The following AGAP1 variants were observed in gnomAD, a reference collection of about 807,000 sequenced individuals.
AGAP1 encodes the protein ArfGAP with GTPase domain, ankyrin repeat and PH domain 1, also known as arf-GAP with GTPase, ANK repeat and PH domain-containing protein 1.
AGAP1 carries 29 observed loss-of-function variants against 105.3 expected under a neutral mutation model. The observed-to-expected ratio is 0.28, with a 90% CI of 0.21 to 0.38. AGAP1 has a LOEUF of 0.38. AGAP1 is among the 10% of genes least tolerant of loss of function. The pLI is 1.00. For synonymous variants in AGAP1, 509 were observed against 485.9 expected, an observed-to-expected ratio of 1.05 and a Z score of -0.63; for missense variants, 998 against 1,165.1, an observed-to-expected ratio of 0.86 and a Z score of 2.09.
rs1052680155 is a variant in AGAP1 at position 236,003,233 on chromosome 2, C to T, written c.1646-33328C>T. ...CTAATTTTTGTATTTTTAGTAGAGA[C>T]GGGGTTTTGCCATGTTGCCCAGGCT... On this transcript the variant is annotated intron_variant, in intron 13 of 17. Transcript: ENST00000304032. This position sits in a 1 kb window ranked among gnomAD's most constrained non-coding sequence, Gnocchi z 4.2. Among the ~76,000 whole-genome samples, 2 of 152,088 alleles carry T rather than the reference C, an allele frequency of 1.3e-5. No homozygotes were observed. Among genetic ancestry groups the T allele is most frequent in the Admixed American group, 6.5e-5 (1 of 15,270 alleles).
Position 235,961,583 on chromosome 2 carries a change from G to A in AGAP1, c.1484-6879G>A, listed in dbSNP as rs771527500. On this transcript the variant is annotated intron_variant, in intron 12 of 17. Coordinates refer to ENST00000304032, the MANE Select transcript of AGAP1 (RefSeq NM_001037131.3). This position sits in a 1 kb window ranked among gnomAD's most constrained non-coding sequence, Gnocchi z 5.9. ...GCAGGAGTCAAATGTCCAGGGTGGA[G>A]GTGTGCGGCCAAGGGAGAGTTGTGT... 1.1e-4 allele frequency among the ~76,000 whole-genome samples: 17 copies of A among 152,210 alleles called. No individual in the cohort carries two copies. The highest frequency in any genetic ancestry group is 1.9e-4 in the East Asian group (1 of 5,190).
At position 235,621,489 on chromosome 2, in the gene AGAP1, C is replaced by T. The variant is rs775406985; in HGVS notation, c.164-87690C>T. ...CCATTGGCGTTGGCACCATTCTTAC[C>T]TCCTATACCTACGAGGCTGTCATGT... On this transcript the variant is annotated intron_variant, in intron 1 of 17. Coordinates refer to ENST00000304032, the MANE Select transcript of AGAP1 (RefSeq NM_001037131.3). This position sits in a 1 kb window ranked among gnomAD's most constrained non-coding sequence, Gnocchi z 4.1. 5.9e-5 allele frequency among the ~76,000 whole-genome samples: 9 copies of T among 152,194 alleles called. No homozygotes were observed. Among genetic ancestry groups the T allele is most frequent in the Admixed American group, 2.6e-4 (4 of 15,280 alleles).
intron 17 of AGAP1, among the ~76,000 whole-genome samples, chr2:236,122,593 C>G (rs908944897): frequency 6.6e-6 from 1 of 152,038 alleles, no homozygotes; most frequent in African/African-American, 2.4e-5. Flanking sequence ...TTTCCCCCTT[C>G]TGATCATCAC....
At chr2:236,091,909 AT>A (rs1462207469) in intron 16 of AGAP1, among the ~76,000 whole-genome samples, 1 of 152,260 alleles carries the variant, frequency 6.6e-6, no homozygotes, top group Non-Finnish European at 1.5e-5. Flanking sequence ...GCTGTAGACC[AT>A]CCACACTGTG....
chr2:235,543,318 C>T (rs1474994664), intron 1 of AGAP1, among the ~76,000 whole-genome samples: 2 of 152,180 alleles, frequency 1.3e-5, no homozygotes, highest in East Asian at 1.9e-4. Flanking sequence ...TCGGAAGGTA[C>T]CCGTTGTTCA....
At chr2:236,007,408 A>G (rs1576039360) in intron 13 of AGAP1, among the ~76,000 whole-genome samples, 1 of 152,202 alleles carries the variant, frequency 6.6e-6, no homozygotes, top group East Asian at 1.9e-4. Flanking sequence ...AACTACAAAG[A>G]TGGCAGATCA....
chr2:236,008,889 G>T (rs1222840445), intron 13 of AGAP1, among the ~76,000 whole-genome samples: 1 of 150,700 alleles, frequency 6.6e-6, no homozygotes, highest in Admixed American at 6.6e-5. Context: ...GTTTTACTTA[G>T]TTAGGTGTTT....
At position 235,692,088 on chromosome 2, in the gene AGAP1, C is replaced by A. The variant is rs901499157; in HGVS notation, c.164-17091C>A. On this transcript the variant is annotated intron_variant, in intron 1 of 17. Transcript: ENST00000304032. The surrounding 1 kb of genome is among the most constrained non-coding windows in gnomAD (Gnocchi z 5.8). ...CCAAGTAAACAAAATAAATTCAGAC[C>A]CCAAGTGCGCATATTGAGTTTGAAT... Among the ~76,000 whole-genome samples, 1 of 152,024 alleles carries A rather than the reference C, an allele frequency of 6.6e-6. No homozygotes were observed. Among genetic ancestry groups the A allele is most frequent in the Non-Finnish European group, 1.5e-5 (1 of 68,004 alleles).
intron 2 of AGAP1, among the ~76,000 whole-genome samples, chr2:235,710,949 G>A (rs192484146): frequency 6.6e-5 from 10 of 152,306 alleles, no homozygotes; most frequent in African/African-American, 2.4e-4. Context: ...CCCATGGGGA[G>A]GGATAGGTAC....
At chr2:235,502,700 C>CTTTTTT (rs5839594) in intron 1 of AGAP1, among the ~76,000 whole-genome samples, 3 of 110,994 alleles carry the variant, frequency 2.7e-5, no homozygotes, top group Non-Finnish European at 3.6e-5. Flanking sequence ...TTTTATTTGC[C>CTTTTTT]TTTTTTTTTT....
chr2:235,869,606 TAAA>T (rs1365941664), intron 9 of AGAP1, among the ~76,000 whole-genome samples: 1 of 151,896 alleles, frequency 6.6e-6, no homozygotes, highest in Non-Finnish European at 1.5e-5. Flanking sequence ...GTCTCAAAAA[TAAA>T]AAATAAAAGT....
chr2:235,512,968 G>A (rs746554), intron 1 of AGAP1, among the ~76,000 whole-genome samples: 1 of 152,194 alleles, frequency 6.6e-6, no homozygotes, highest in Non-Finnish European at 1.5e-5. Flanking sequence ...GATTCCTCTG[G>A]CAGCATCTGT....
intron 1 of AGAP1, 120 bp downstream of exon 1, chr2:235,494,969 C>T (rs959007866): frequency 3.1e-6 from 3 of 960,992 alleles, no homozygotes; most frequent in Middle Eastern, 3.5e-4. Flanking sequence ...GCTGCTCCGC[C>T]GAGGGAGCAC....
At chr2:235,974,404 T>A (rs575181070) in intron 13 of AGAP1, among the ~76,000 whole-genome samples, 1 of 152,332 alleles carries the variant, frequency 6.6e-6, no homozygotes, top group East Asian at 1.9e-4. Flanking sequence ...TCTTTAAAAA[T>A]GCAGGACCAG....
chr2:235,603,966 C>T (rs950045138), intron 1 of AGAP1, among the ~76,000 whole-genome samples: 4 of 151,992 alleles, frequency 2.6e-5, no homozygotes, highest in African/African-American at 4.8e-5. Context: ...AAATGACACA[C>T]GGTGACTCTG....
At chr2:235,571,839 C>T (rs181768337) in intron 1 of AGAP1, among the ~76,000 whole-genome samples, 9 of 151,812 alleles carry the variant, frequency 5.9e-5, no homozygotes, top group Middle Eastern at 3.4e-3. Context: ...CTCAAATGGT[C>T]CTCCAATCTT....
chr2:235,584,786 T>G (rs947652599), intron 1 of AGAP1, among the ~76,000 whole-genome samples: 2 of 151,984 alleles, frequency 1.3e-5, no homozygotes, highest in Non-Finnish European at 2.9e-5. Flanking sequence ...AGTACCTGTT[T>G]GCCGCTCACT....
At chr2:235,806,489 T>C (rs1421794867) in intron 8 of AGAP1, among the ~76,000 whole-genome samples, 1 of 152,138 alleles carries the variant, frequency 6.6e-6, no homozygotes, top group Non-Finnish European at 1.5e-5. Flanking sequence ...TGGTTGGGGC[T>C]TCCCTGGGTT....
At chr2:235,928,099 C>G (rs1431059940) in intron 11 of AGAP1, among the ~76,000 whole-genome samples, 2 of 152,216 alleles carry the variant, frequency 1.3e-5, no homozygotes, top group Non-Finnish European at 2.9e-5. Context: ...GAGGTGCCCC[C>G]CCAATCGCAC....
Sources: gnomAD v4.1 joint callset for allele counts (sites outside exome capture counted in the v4.1 genomes callset) on GRCh38, gnomAD v4.1.1 for gene constraint, Gnocchi (gnomAD v3.1) non-coding constraint, MANE v1.5 for transcripts, NCBI Gene and HGNC (gene_info 2026-07-23, HGNC 2026-07-21) for gene names.